The following PACS1 variants were observed in gnomAD, a reference collection of about 807,000 sequenced individuals.
The protein encoded by PACS1 is phosphofurin acidic cluster sorting protein 1.
Under a neutral mutation model 115.0 loss-of-function variants are expected in PACS1, and 24 were observed. That is an observed-to-expected ratio of 0.21 (90% CI 0.15 to 0.29). The LOEUF (loss-of-function observed/expected upper bound fraction) is 0.29. Among genes scored for constraint, PACS1 ranks in the 10% least tolerant of loss-of-function variants. The pLI is 1.00. For synonymous variants in PACS1, 453 were observed against 504.5 expected (o/e 0.90, Z 1.37); for missense variants, 838 against 1,251.2 (o/e 0.67, Z 4.98).
chr11:66,232,280 A>T lies in PACS1; in HGVS notation c.1731+4A>T. The T allele has an allele frequency of 6.3e-7, 1 of 1,587,128 alleles. No homozygotes were observed. Among genetic ancestry groups the T allele is most frequent in the Non-Finnish European group, 8.7e-7 (1 of 1,155,544 alleles). On this transcript the variant is annotated splice_donor_region_variant and intron_variant, in intron 14 of 23. Coordinates refer to ENST00000320580, the MANE Select transcript of PACS1 (RefSeq NM_018026.4). ...CACCACTGACTGGCAGGGCCAGGTA[A>T]GTGCTGAAACTGCGAGGCCATGTGG...
rs79216034 is a variant in PACS1 at position 66,100,944 on chromosome 11, G to A, written c.356+30102G>A. On this transcript the variant is annotated intron_variant, in intron 1 of 23. Coordinates refer to ENST00000320580, the MANE Select transcript of PACS1 (RefSeq NM_018026.4). ...CGAGCTGGCGGAAGCCTCAGTGCCTGTCCTCCTCCAGCGTGGAGAGTCACA... is the reference window on the plus strand; with the variant it reads ...CGAGCTGGCGGAAGCCTCAGTGCCTATCCTCCTCCAGCGTGGAGAGTCACA... The A allele has an allele frequency of 1.2e-4, 57 of 456,096 alleles. No individual in the cohort carries two copies. The East Asian group carries it at 3.7e-3, about 29-fold the overall frequency. 28.3% of individuals were successfully genotyped at this position (456,096 alleles called of 1,614,324 possible). A position where few individuals can be genotyped will look rare whatever the true frequency, so the allele number is the denominator to read the frequency against.
At chr11:66,155,678 T>C (rs1115508) in intron 1 of PACS1, among the ~76,000 whole-genome samples, 67,647 of 151,964 alleles carry the variant, frequency 0.45, 15,423 homozygotes, top group Non-Finnish European at 0.48. Flanking sequence ...AGAACAGTAG[T>C]TTGTTTTAAA....
chr11:66,103,673 G>A (rs1341670323), intron 1 of PACS1, among the ~76,000 whole-genome samples: 7 of 151,940 alleles, frequency 4.6e-5, no homozygotes, highest in Admixed American at 4.6e-4. Flanking sequence ...ACCACGCCCA[G>A]CTGATTTTTG....
intron 2 of PACS1, among the ~76,000 whole-genome samples, chr11:66,205,137 A>G (rs1303857572): frequency 6.6e-6 from 1 of 152,040 alleles, no homozygotes; most frequent in Non-Finnish European, 1.5e-5. Context: ...GGTGTGCACC[A>G]TCATGCCCAG....
chr11:66,232,510 G>C (rs186509090), intron 14 of PACS1, among the ~76,000 whole-genome samples: 6 of 151,262 alleles, frequency 4.0e-5, no homozygotes, highest in Admixed American at 3.3e-4. Context: ...TTCCTCATAC[G>C]TTAAAAAACA....
chr11:66,124,953 G>A (rs1278211619), intron 1 of PACS1, among the ~76,000 whole-genome samples: 4 of 152,154 alleles, frequency 2.6e-5, no homozygotes, highest in African/African-American at 4.8e-5. Flanking sequence ...GTGGCCTGTC[G>A]CAGTTCCAGG....
intron 1 of PACS1, among the ~76,000 whole-genome samples, chr11:66,104,356 T>C (rs1857987552): frequency 6.6e-6 from 1 of 152,206 alleles, no homozygotes; most frequent in Non-Finnish European, 1.5e-5. Flanking sequence ...TTCTGGTTAA[T>C]AGTAGTCATT....
At chr11:66,126,474 CA>C (rs1400103824) in intron 1 of PACS1, among the ~76,000 whole-genome samples, 1 of 151,998 alleles carries the variant, frequency 6.6e-6, no homozygotes, top group African/African-American at 2.4e-5. Flanking sequence ...GGGAAACAAA[CA>C]AAAAATAAGT....
At chr11:66,149,203 T>C (rs1189080091) in intron 1 of PACS1, among the ~76,000 whole-genome samples, 1 of 151,400 alleles carries the variant, frequency 6.6e-6, no homozygotes, top group Non-Finnish European at 1.5e-5. Context: ...CAAGCAAGTC[T>C]GCCTCAGCCT....
chr11:66,230,673 A>G lies in PACS1; in HGVS notation c.1490+10A>G. 1 of 1,611,864 alleles carries G rather than the reference A, an allele frequency of 6.2e-7. No homozygotes were observed. The highest frequency in any genetic ancestry group is 1.1e-5 in the South Asian group (1 of 91,050). On this transcript the variant is annotated intron_variant, in intron 12 of 23. Coordinates refer to ENST00000320580, the MANE Select transcript of PACS1 (RefSeq NM_018026.4). The stretch of plus-strand genomic sequence containing the variant: ...GCTCTGCCTCCCCCAGGTACTGCAG[A>G]TGGAAAGGAAGCAGGGGGTACAGCC...
intron 2 of PACS1, among the ~76,000 whole-genome samples, chr11:66,208,686 G>GAAAA (rs1855001892): frequency 7.2e-6 from 1 of 138,752 alleles, no homozygotes; most frequent in African/African-American, 2.7e-5. Context: ...AGAAGAAAAA[G>GAAAA]AAAGAAAGGA....
intron 1 of PACS1, among the ~76,000 whole-genome samples, chr11:66,081,320 AAC>A (rs1458592749): frequency 1.3e-5 from 2 of 151,508 alleles, no homozygotes; most frequent in Middle Eastern, 3.4e-3. Context: ...TTTTGTTATT[AAC>A]ACATGTTAAT....
chr11:66,225,256 G>A (rs1047439115), intron 10 of PACS1, among the ~76,000 whole-genome samples: 4 of 152,212 alleles, frequency 2.6e-5, no homozygotes, highest in African/African-American at 9.7e-5. Context: ...TTGTCCATGA[G>A]CACAGTGGTG....
At chr11:66,090,788 A>C (rs932753591) in intron 1 of PACS1, among the ~76,000 whole-genome samples, 1 of 152,186 alleles carries the variant, frequency 6.6e-6, no homozygotes, top group Non-Finnish European at 1.5e-5. Context: ...TATCAGATGA[A>C]TATAGGTGAT....
rs545802901 is a variant in PACS1, at chr11:66,167,326, G to A, written c.357-26160G>A. Among the ~76,000 whole-genome samples the A allele has an allele frequency of 3.6e-5, 5 of 139,512 alleles. No homozygotes were observed. The South Asian group carries it at 1.1e-3, about 30-fold the overall frequency. The allele number at this position is 139,512 out of a possible 152,430, so 91.5% of individuals were successfully genotyped here. A position where few individuals can be genotyped will look rare whatever the true frequency, so the allele number is the denominator to read the frequency against. ...CAGTCTTCTCTGGGTTCATGGCTTT[G>A]GCTTGTCTTTTTTTTTTTTTTTTTT... On this transcript the variant is annotated intron_variant, in intron 1 of 23. Coordinates refer to ENST00000320580, the MANE Select transcript of PACS1 (RefSeq NM_018026.4).
intron 10 of PACS1, among the ~76,000 whole-genome samples, chr11:66,223,258 T>C (rs1364459037): frequency 1.3e-5 from 2 of 151,882 alleles, no homozygotes; most frequent in Non-Finnish European, 2.9e-5. Context: ...CACACCCGGC[T>C]AATTTTTGTA....
chr11:66,143,838 C>T (rs1249751593), intron 1 of PACS1, among the ~76,000 whole-genome samples: 3 of 152,112 alleles, frequency 2.0e-5, no homozygotes, highest in African/African-American at 7.2e-5. Flanking sequence ...TGGGGTTTTG[C>T]TATGTTGGCC....
chr11:66,118,360 C>T (rs964566743), intron 1 of PACS1, among the ~76,000 whole-genome samples: 9 of 152,128 alleles, frequency 5.9e-5, no homozygotes, highest in East Asian at 5.8e-4. Context: ...GCCTATAATC[C>T]GGGCACTTTG....
At position 66,243,321 on chromosome 11, in the gene PACS1, C is replaced by T. The variant is rs1312521991; in HGVS notation, c.*41C>T. On this transcript the variant is annotated 3_prime_UTR_variant, in exon 24 of 24. Transcript: ENST00000320580. Reference sequence around the variant, plus strand: ...CCACTTTCCCTCCTGGCACTGCCACCAGCCTCACCGCCTGCGGGCAGGGGG... The same window carrying T: ...CCACTTTCCCTCCTGGCACTGCCACTAGCCTCACCGCCTGCGGGCAGGGGG... 11 of 1,382,352 alleles carry T rather than the reference C, an allele frequency of 8.0e-6. No homozygotes were observed. The highest frequency in any genetic ancestry group is 1.1e-5 in the Non-Finnish European group (11 of 998,182). 85.6% of individuals were successfully genotyped at this position (1,382,352 alleles called of 1,614,324 possible).
Sources: gnomAD v4.1 joint callset for allele counts (sites outside exome capture counted in the v4.1 genomes callset) on GRCh38, gnomAD v4.1.1 for gene constraint, MANE v1.5 for transcripts, NCBI Gene and HGNC (gene_info 2026-07-23, HGNC 2026-07-21) for gene names.